Variants in CHD1L observed in about 807,000 individuals in gnomAD.
The protein encoded by CHD1L is chromodomain helicase DNA binding protein 1 like, also known as ATP-dependent chromatin remodeler CHD1L.
A neutral mutation model predicts 115.9 loss-of-function variants in CHD1L; 118 were observed. That is an observed-to-expected ratio of 1.02 (90% confidence interval 0.88 to 1.19). The LOEUF is 1.19. Among genes scored for constraint, CHD1L ranks in the 50% most tolerant of loss-of-function variants. The pLI, the probability that CHD1L is intolerant of heterozygous loss-of-function variation, is 0.00. For missense variants in CHD1L, 1,179 were observed against 1,065.3 expected (o/e 1.11, Z -1.49); for synonymous variants, 411 against 387.1 (o/e 1.06, Z -0.72).
intron 19 of CHD1L, among the ~76,000 whole-genome samples, chr1:147,289,386 A>C (rs1364362615): frequency 3.3e-5 from 5 of 152,164 alleles, no homozygotes; most frequent in African/African-American, 1.2e-4. Context: ...ACAAGGGAGG[A>C]AAGTATGTCA....
At position 147,280,155 on chromosome 1, in the gene CHD1L, G is replaced by A. The variant is rs1305657829; in HGVS notation, c.1669G>A (p.Ala557Thr). Reference protein sequence around the residue: ...DGQWVSDALPAAEGGSRDQEE... With the variant: ...DGQWVSDALPTAEGGSRDQEE... ...CCAGTGGGTCTCTGATGCCTTGCCT[G>A]CAGCAGAAGGAGGGAGCAGAGATCA... is the stretch of plus-strand genomic sequence containing the variant. The change falls in exon 15 of 23, where the codon GCA becomes ACA. Residue 557 changes from alanine (A) to threonine (T), a missense_variant. Ala to Thr is a moderately conservative substitution (Grantham distance 58, BLOSUM62 0). Transcript: ENST00000369258. 4 of 1,611,170 alleles carry A rather than the reference G, an allele frequency of 2.5e-6. No homozygotes were observed. In the African/African-American group the frequency reaches 4.0e-5, roughly 16 times the overall value.
chr1:147,175,362 T>C, the CHD1L span: 5 of 152,168 alleles, frequency 3.3e-5, no homozygotes, highest in African/African-American at 1.2e-4. Flanking sequence ...CCTGGTGATA[T>C]GGTTTGGTTC....
chr1:147,255,628 C>T (rs1247491615), intron 3 of CHD1L, among the ~76,000 whole-genome samples, 185 bp from the exon 4 acceptor site: 2 of 152,174 alleles, frequency 1.3e-5, no homozygotes, highest in African/African-American at 4.8e-5. Context: ...TACCTGTTCA[C>T]ATAGGAACTC....
intron 7 of CHD1L, 36 bp from the exon 8 acceptor site, chr1:147,265,896 T>C (rs1312518926): frequency 6.3e-7 from 1 of 1,580,572 alleles, no homozygotes; most frequent in Non-Finnish European, 8.6e-7. Flanking sequence ...GTTCTACTTT[T>C]GTCCCACACT....
intron 1 of CHD1L, among the ~76,000 whole-genome samples, chr1:147,250,077 TTTTA>T (rs1419983346): frequency 6.6e-6 from 1 of 152,216 alleles, no homozygotes; most frequent in Non-Finnish European, 1.5e-5. Flanking sequence ...TCTTTATATC[TTTTA>T]TTTCTTTGCT....
At chr1:147,243,367 A>G (rs782383401) in intron 1 of CHD1L, among the ~76,000 whole-genome samples, 76 of 152,140 alleles carry the variant, frequency 5.0e-4, no homozygotes, top group Non-Finnish European at 9.0e-4. Context: ...CAAGCAAAGC[A>G]CTGTTTATGA....
Position 147,252,724 on chromosome 1 carries a change from A to T in CHD1L, c.229A>T (p.Lys77Ter), listed in dbSNP as rs1668802904. 6.2e-7 allele frequency: 1 copy of T among 1,613,288 alleles called. No individual in the cohort carries two copies. Among genetic ancestry groups the T allele is most frequent in the South Asian group, 1.1e-5 (1 of 90,976 alleles). Residue 77 changes from lysine to a stop codon, truncating the protein, a stop_gained, in exon 2 of 23, where the codon AAG (lysine) becomes TAG (stop). Coordinates refer to ENST00000369258, the MANE Select transcript of CHD1L (RefSeq NM_004284.6). LOFTEE classifies it high-confidence loss of function. ...CILGDEMGLG[K>*]TCQTIALFIY... is the part of the protein sequence containing the mutation. ...CCTGGGAGATGAGATGGGCCTGGGG[A>T]AGACCTGCCAGGTGTGTTACTATGC...
intron 6 of CHD1L, among the ~76,000 whole-genome samples, chr1:147,261,201 G>A (rs1671801780): frequency 1.3e-5 from 2 of 152,140 alleles, no homozygotes; most frequent in African/African-American, 4.8e-5. Flanking sequence ...ATCTCCTTCT[G>A]AGAGCTTGTC....
the CHD1L span, among the ~76,000 whole-genome samples, chr1:147,229,380 G>T: frequency 1.3e-5 from 2 of 151,948 alleles, no homozygotes; most frequent in African/African-American, 4.8e-5. Flanking sequence ...CTCTGTTTTG[G>T]TACCAGTACC....
At chr1:147,178,092 GC>G in the CHD1L span, 1 of 1,484,458 alleles carries the variant, frequency 6.7e-7, no homozygotes. Context: ...CCTTCCGGCT[GC>G]CCCCACCCCA....
intron 6 of CHD1L, among the ~76,000 whole-genome samples, chr1:147,262,771 T>A (rs1672420046): frequency 6.6e-6 from 1 of 151,958 alleles, no homozygotes; most frequent in South Asian, 2.1e-4. Flanking sequence ...ATTGATTGTG[T>A]TATTCATTTA....
chr1:147,186,574 T>C, the CHD1L span: 45 of 1,032,578 alleles, frequency 4.4e-5, no homozygotes, highest in Non-Finnish European at 4.6e-5. Flanking sequence ...ACCATAAAAT[T>C]TGATAAACAA....
chr1:147,215,795 A>G, the CHD1L span: 4 of 1,612,072 alleles, frequency 2.5e-6, no homozygotes, highest in African/African-American at 1.3e-5. Context: ...TCTTTGGCAT[A>G]CATCCTGAAA....
At chr1:147,208,235 A>G in the CHD1L span, among the ~76,000 whole-genome samples, 1 of 152,148 alleles carries the variant, frequency 6.6e-6, no homozygotes, top group African/African-American at 2.4e-5. Flanking sequence ...GTACTCAATG[A>G]GTAAATGACG....
At chr1:147,227,937 A>G in the CHD1L span, among the ~76,000 whole-genome samples, 4 of 151,338 alleles carry the variant, frequency 2.6e-5, no homozygotes, top group Non-Finnish European at 5.9e-5. Flanking sequence ...TTTGAGATGG[A>G]GCCTCACTCT....
chr1:147,226,964 G>T, the CHD1L span, among the ~76,000 whole-genome samples: 7 of 151,928 alleles, frequency 4.6e-5, no homozygotes, highest in South Asian at 1.5e-3. Flanking sequence ...TTCTGAGTAG[G>T]GACTACAGCT....
At chr1:147,251,652 C>A (rs1262215709) in intron 1 of CHD1L, among the ~76,000 whole-genome samples, 2 of 152,046 alleles carry the variant, frequency 1.3e-5, no homozygotes, top group Non-Finnish European at 2.9e-5. Flanking sequence ...GCCTCAGCCT[C>A]CCAAGTAGCT....
the CHD1L span, chr1:147,184,385 T>C: frequency 2.5e-6 from 3 of 1,197,028 alleles, no homozygotes; most frequent in Non-Finnish European, 3.3e-6. This position sits in a 1 kb window ranked among gnomAD's most constrained non-coding sequence, Gnocchi z 4.4. Context: ...CCAATATTGA[T>C]ACATTATTAA....
the CHD1L span, chr1:147,178,800 TG>T: frequency 6.2e-7 from 1 of 1,605,138 alleles, no homozygotes; most frequent in Non-Finnish European, 8.5e-7. Context: ...AAATGACCAG[TG>T]GCAAAATTAA....
Sources: allele counts gnomAD v4.1 joint callset (sites outside exome capture counted in the v4.1 genomes callset), GRCh38; gene constraint gnomAD v4.1.1; non-coding constraint Gnocchi (gnomAD v3.1); transcripts MANE v1.5; gene names NCBI Gene and HGNC (gene_info 2026-07-23, HGNC 2026-07-21).